ATXN7L1: variants seen among roughly 807,000 people sequenced by gnomAD.
ATXN7L1 encodes the protein ataxin 7 like 1, also known as ataxin-7-like protein 1.
Under a neutral mutation model 70.8 loss-of-function variants are expected in ATXN7L1, and 15 were observed. That is an observed-to-expected ratio of 0.21 (90% confidence interval 0.14 to 0.33). The LOEUF (loss-of-function observed/expected upper bound fraction) is 0.33, where lower values mean the gene tolerates loss of function less well. ATXN7L1 is among the 10% of genes least tolerant of loss of function. The probability of loss-of-function intolerance (pLI) is 1.00; values close to 1 mark genes in which losing one functional copy is unlikely to be tolerated. For synonymous variants in ATXN7L1, 440 were observed against 445.1 expected (o/e 0.99, Z 0.14); for missense variants, 975 against 1,097.1 (o/e 0.89, Z 1.57).
intron 3 of ATXN7L1, among the ~76,000 whole-genome samples, chr7:105,774,459 C>G (rs1334052744): frequency 6.6e-6 from 1 of 150,566 alleles, no homozygotes; most frequent in African/African-American, 2.5e-5. Flanking sequence ...TCAAGCGATT[C>G]TACTGCCTCA....
Position 105,826,793 on chromosome 7 carries a change from A to G in ATXN7L1, c.251-38085T>C, listed in dbSNP as rs368568474. ...GAAATAGGACCTTCCCATGGTTTTT[A>G]TACAGGTGAACAGAGAAGTCTGAAT... On this transcript the variant is annotated intron_variant, in intron 2 of 11. Coordinates refer to ENST00000419735, the MANE Select transcript of ATXN7L1 (RefSeq NM_020725.2). 5.9e-5 allele frequency among the ~76,000 whole-genome samples: 9 copies of G among 152,352 alleles called. No homozygotes were observed. In the East Asian group the frequency reaches 1.3e-3, roughly 23 times the overall value.
intron 2 of ATXN7L1, among the ~76,000 whole-genome samples, chr7:105,813,817 C>G (rs1808797995): frequency 6.6e-6 from 1 of 152,004 alleles, no homozygotes; most frequent in African/African-American, 2.4e-5. Flanking sequence ...CTCTCTCTCT[C>G]TTTTTTTCCC....
At chr7:105,619,551 TTTTTTTTTTTTTTTTTA>T (rs1562901628) in intron 9 of ATXN7L1, among the ~76,000 whole-genome samples, 2 of 53,716 alleles carry the variant, frequency 3.7e-5, no homozygotes, top group African/African-American at 1.4e-4. Flanking sequence ...TTTTTTTTTT[TTTTTTTTTTTTTTTTTA>T]AGAGAGAGGG....
intron 3 of ATXN7L1, among the ~76,000 whole-genome samples, chr7:105,736,807 T>A (rs1164117731): frequency 6.6e-6 from 1 of 152,252 alleles, no homozygotes; most frequent in Non-Finnish European, 1.5e-5. Flanking sequence ...CCCACTGCTT[T>A]AAAGCAAGTA....
At chr7:105,809,355 G>T (rs1192408708) in intron 2 of ATXN7L1, among the ~76,000 whole-genome samples, 5 of 152,148 alleles carry the variant, frequency 3.3e-5, no homozygotes, top group African/African-American at 1.2e-4. Flanking sequence ...CTGTTGTAAA[G>T]CAGATCTCTA....
At chr7:105,664,575 G>GTGTATATATATATA in intron 4 of ATXN7L1, among the ~76,000 whole-genome samples, 6 of 131,982 alleles carry the variant, frequency 4.5e-5, no homozygotes, top group Non-Finnish European at 8.2e-5. Flanking sequence ...GTATGTGTGT[G>GTGTATATATATATA]TATATATATA....
chr7:105,842,999 T>A (rs565532519), intron 2 of ATXN7L1, among the ~76,000 whole-genome samples: 66 of 152,316 alleles, frequency 4.3e-4, no homozygotes, highest in Non-Finnish European at 7.5e-4. Context: ...CATCTTTAGG[T>A]TCTTGATATT....
chr7:105,721,692 C>G (rs1795203892), intron 3 of ATXN7L1, among the ~76,000 whole-genome samples: 1 of 152,182 alleles, frequency 6.6e-6, no homozygotes, highest in Non-Finnish European at 1.5e-5. Context: ...GAGGACCAGC[C>G]CAGATGAAAG....
At chr7:105,778,141 A>T (rs1028887370) in intron 3 of ATXN7L1, among the ~76,000 whole-genome samples, 2 of 152,208 alleles carry the variant, frequency 1.3e-5, no homozygotes, top group African/African-American at 4.8e-5. Flanking sequence ...ACTCTGGAGA[A>T]TGTAATCCAA....
At chr7:105,646,006 C>CA (rs34098256) in intron 4 of ATXN7L1, among the ~76,000 whole-genome samples, 17,807 of 119,634 alleles carry the variant, frequency 0.15, 1,669 homozygotes, top group African/African-American at 0.31. Flanking sequence ...GTCTCTGTCT[C>CA]AAAAAAAAAA....
chr7:105,752,870 C>T (rs922791877), intron 3 of ATXN7L1, among the ~76,000 whole-genome samples: 2 of 152,160 alleles, frequency 1.3e-5, no homozygotes, highest in Non-Finnish European at 2.9e-5. Flanking sequence ...TTTACCCTCC[C>T]GGTACAAAGT....
chr7:105,756,520 C>T (rs1799826081), intron 3 of ATXN7L1, among the ~76,000 whole-genome samples: 1 of 152,088 alleles, frequency 6.6e-6, no homozygotes, highest in South Asian at 2.1e-4. Context: ...ACTCTAGGGT[C>T]CAGGGTTGCA....
At chr7:105,830,098 G>GC (rs1347567824) in intron 2 of ATXN7L1, among the ~76,000 whole-genome samples, 1 of 152,156 alleles carries the variant, frequency 6.6e-6, no homozygotes, top group African/African-American at 2.4e-5. Context: ...GGACAAGAAG[G>GC]CCCTGGGAGG....
intron 2 of ATXN7L1, among the ~76,000 whole-genome samples, chr7:105,846,582 G>A (rs1310416446): frequency 6.6e-6 from 1 of 152,214 alleles, no homozygotes; most frequent in Admixed American, 6.5e-5. Flanking sequence ...ATTAAGCATG[G>A]AGTTACCATA....
intron 3 of ATXN7L1, among the ~76,000 whole-genome samples, chr7:105,665,834 G>C (rs1802529248): frequency 6.6e-6 from 1 of 152,212 alleles, no homozygotes; most frequent in Non-Finnish European, 1.5e-5. Flanking sequence ...AGAGGACAGT[G>C]TCAGCACACC....
At chr7:105,710,026 C>T (rs1793682584) in intron 3 of ATXN7L1, among the ~76,000 whole-genome samples, 1 of 152,100 alleles carries the variant, frequency 6.6e-6, no homozygotes, top group African/African-American at 2.4e-5. Flanking sequence ...GTGTTTGTCA[C>T]CACACCTGGC....
intron 7 of ATXN7L1, among the ~76,000 whole-genome samples, chr7:105,631,260 G>A (rs1448921704): frequency 2.0e-5 from 3 of 152,104 alleles, no homozygotes; most frequent in African/African-American, 7.2e-5. Flanking sequence ...ATTAACTAAC[G>A]GGAAAGGAAC....
intron 8 of ATXN7L1, among the ~76,000 whole-genome samples, chr7:105,622,511 C>A (rs1370696677): frequency 6.6e-6 from 1 of 152,224 alleles, no homozygotes; most frequent in African/African-American, 2.4e-5. Flanking sequence ...CTACTGGTTG[C>A]CAACCTCACC....
intron 2 of ATXN7L1, among the ~76,000 whole-genome samples, chr7:105,870,863 G>A (rs972929033): frequency 1.1e-4 from 16 of 152,064 alleles, no homozygotes; most frequent in South Asian, 2.1e-4. Context: ...AAGCTGACTG[G>A]GGTCAAATCA....
Sources: allele counts gnomAD v4.1 joint callset (sites outside exome capture counted in the v4.1 genomes callset), GRCh38; gene constraint gnomAD v4.1.1; transcripts MANE v1.5; gene names NCBI Gene and HGNC (gene_info 2026-07-23, HGNC 2026-07-21).